The following NOS1 variants were observed in gnomAD, a reference collection of about 807,000 sequenced individuals.
NOS1 encodes the protein NOS type I.
In NOS1, 51 loss-of-function variants were observed where a neutral mutation model predicts 164.5. The ratio of observed to expected loss-of-function variants is 0.31; its 90% CI spans 0.25 to 0.39. The LOEUF (loss-of-function observed/expected upper bound fraction) is 0.39. Among genes scored for constraint, NOS1 ranks in the 10% least tolerant of loss-of-function variants. The pLI, the probability that NOS1 is intolerant of heterozygous loss-of-function variation, is 1.00. For missense variants in NOS1, 1,362 were observed against 1,885.6 expected (o/e 0.72, Z 5.14); for synonymous variants, 719 against 745.8 (o/e 0.96, Z 0.59).
At chr12:117,224,492 A>T (rs1868474641) in intron 25 of NOS1, among the ~76,000 whole-genome samples, 3 of 152,162 alleles carry the variant, frequency 2.0e-5, no homozygotes, top group South Asian at 4.2e-4. Context: ...TCACCGTGCT[A>T]GCCAGGATGG....
chr12:117,265,140 C>G (rs536062905), intron 12 of NOS1, among the ~76,000 whole-genome samples, 176 bp downstream of exon 12: 1 of 152,174 alleles, frequency 6.6e-6, no homozygotes, highest in African/African-American at 2.4e-5. Context: ...GCCATCATGT[C>G]GGCCTCATAT....
chr12:117,226,081 G>A (rs981988771), intron 24 of NOS1, among the ~76,000 whole-genome samples: 5 of 152,206 alleles, frequency 3.3e-5, no homozygotes, highest in Non-Finnish European at 7.3e-5. Context: ...ACACCCCAGA[G>A]GACTCTGATG....
chr12:117,237,320 C>G (rs1315826142), intron 20 of NOS1, among the ~76,000 whole-genome samples: 1 of 151,876 alleles, frequency 6.6e-6, no homozygotes, highest in Non-Finnish European at 1.5e-5. Flanking sequence ...TTAGCAGAGA[C>G]AGGGTTTAAC....
intron 1 of NOS1, among the ~76,000 whole-genome samples, chr12:117,357,150 C>T (rs936536253): frequency 6.6e-6 from 1 of 152,152 alleles, no homozygotes; most frequent in Admixed American, 6.5e-5. Flanking sequence ...TGACAAAACC[C>T]CGTCTCTACA....
intron 9 of NOS1, among the ~76,000 whole-genome samples, chr12:117,275,089 T>A (rs1048243961): frequency 6.6e-6 from 1 of 152,208 alleles, no homozygotes; most frequent in Non-Finnish European, 1.5e-5. Flanking sequence ...TTCTCCATGA[T>A]GTGCTTATTT....
intron 25 of NOS1, 128 bp from the exon 26 acceptor site, chr12:117,222,991 A>G: frequency 8.5e-6 from 9 of 1,063,870 alleles, no homozygotes; most frequent in Non-Finnish European, 1.2e-5. Context: ...AAACACTAGG[A>G]CAGGCAGATG....
chr12:117,271,466 C>T (rs1326919858), intron 10 of NOS1, among the ~76,000 whole-genome samples: 5 of 152,060 alleles, frequency 3.3e-5, no homozygotes, highest in South Asian at 2.1e-4. Context: ...TTAGTAGAGA[C>T]GGGGTTTCAC....
intron 10 of NOS1, among the ~76,000 whole-genome samples, chr12:117,270,856 T>C (rs1341138962): frequency 6.6e-6 from 1 of 151,954 alleles, no homozygotes; most frequent in Non-Finnish European, 1.5e-5. Flanking sequence ...GCCAACATGG[T>C]GAAACCTCAT....
rs1956582725 is a variant in NOS1, at chr12:117,215,004, C to T, written c.*305G>A. 3 of 1,151,100 alleles carry T rather than the reference C, an allele frequency of 2.6e-6. No homozygotes were observed. Among genetic ancestry groups the T allele is most frequent in the Non-Finnish European group, 2.1e-6 (2 of 937,330 alleles). The allele number at this position is 1,151,100 out of a possible 1,614,324, so 71.3% of individuals were successfully genotyped here. On this transcript the variant is annotated 3_prime_UTR_variant, in exon 29 of 29. Transcript: ENST00000317775. ...CCAGAGAAAAAAACCCCCACAGCGA[C>T]GGCCATGTTCCAGTGGTTTCATGCA...
chr12:117,305,815 G>A (rs1172015273), intron 3 of NOS1, among the ~76,000 whole-genome samples: 3 of 149,442 alleles, frequency 2.0e-5, no homozygotes, highest in Admixed American at 1.3e-4. Flanking sequence ...TTCCTGAGGC[G>A]GAGTCTCACT....
chr12:117,344,627 G>A (rs111968550), intron 1 of NOS1, among the ~76,000 whole-genome samples: 1 of 152,260 alleles, frequency 6.6e-6, no homozygotes, highest in African/African-American at 2.4e-5. Flanking sequence ...TCTAAGTACT[G>A]CTATATATTT....
chr12:117,222,608 G>T, intron 26 of NOS1, 107 bp downstream of exon 26: 1 of 1,059,714 alleles, frequency 9.4e-7, no homozygotes, highest in Non-Finnish European at 1.4e-6. Flanking sequence ...ACTTCATAGA[G>T]GGAAAATCAG....
Position 117,290,267 on chromosome 12 carries a change from C to T in NOS1, c.981+31G>A, listed in dbSNP as rs1383802623. ...ATGTGGATAGTGATGAAGCTGCCAC[C>T]CTCTCATCTACACCCTGCTGGGATA... On this transcript the variant is annotated intron_variant, in intron 4 of 28. Coordinates refer to ENST00000317775, the MANE Select transcript of NOS1 (RefSeq NM_000620.5). The T allele has an allele frequency of 3.7e-6, 6 of 1,608,270 alleles. No individual in the cohort carries two copies. In the Admixed American group the frequency reaches 5.0e-5, roughly 14 times the overall value.
intron 16 of NOS1, among the ~76,000 whole-genome samples, chr12:117,257,863 G>A (rs1871588075): frequency 2.1e-5 from 3 of 145,810 alleles, no homozygotes; most frequent in African/African-American, 7.7e-5. Context: ...GGAGTGCAAT[G>A]GTGCGATCTT....
rs1956560048 is a variant in NOS1, at chr12:117,213,612, A to G, written c.*1697T>C. 2 of 985,364 alleles carry G rather than the reference A, an allele frequency of 2.0e-6. No individual in the cohort carries two copies. The highest frequency in any genetic ancestry group is 3.5e-5 in the African/African-American group (2 of 57,248). 61.0% of individuals were successfully genotyped at this position (985,364 alleles called of 1,614,324 possible). A position where few individuals can be genotyped will look rare whatever the true frequency, so the allele number is the denominator to read the frequency against. The stretch of plus-strand genomic sequence containing the variant: ...TGCCCCCACTGTAAAGCCCTTTCAA[A>G]GAGGGCCAGTGCACTTCCTCTTTAG... On this transcript the variant is annotated 3_prime_UTR_variant, in exon 29 of 29. Transcript: ENST00000317775.
intron 7 of NOS1, among the ~76,000 whole-genome samples, chr12:117,283,699 T>C (rs1392869348): frequency 6.6e-6 from 1 of 151,774 alleles, no homozygotes; most frequent in Non-Finnish European, 1.5e-5. Flanking sequence ...CTACTAAAAA[T>C]ACAAAAATTA....
At chr12:117,287,540 G>A (rs1196637796) in intron 5 of NOS1, among the ~76,000 whole-genome samples, 1 of 152,044 alleles carries the variant, frequency 6.6e-6, no homozygotes, top group Admixed American at 6.6e-5. Flanking sequence ...CCGGGTTCAA[G>A]CAATTCTCAT....
intron 14 of NOS1, 109 bp from the exon 15 acceptor site, chr12:117,259,239 G>A: frequency 2.9e-6 from 2 of 693,280 alleles, no homozygotes; most frequent in South Asian, 1.9e-5. Context: ...AGGAGAGAAA[G>A]GAAAAATGTG....
chr12:117,308,599 A>AT lies in NOS1; in HGVS notation c.852+2866dup, dbSNP rs1236088675. On this transcript the variant is annotated intron_variant, in intron 3 of 28. Transcript: ENST00000317775. Reference sequence around the variant, plus strand: ...AGGCGCAATGTGGTCAGATTATATAATTTTTTTTTTTTTTTGAGACAGAGT... The same window carrying AT: ...AGGCGCAATGTGGTCAGATTATATAATTTTTTTTTTTTTTTTGAGACAGAGT... 7.3e-3 allele frequency among the ~76,000 whole-genome samples: 1,045 copies of AT among 143,444 alleles called. 6 individuals are homozygous for AT. Among genetic ancestry groups the AT allele is most frequent in the African/African-American group, 0.02 (801 of 39,306 alleles). The allele number at this position is 143,444 out of a possible 152,430, so 94.1% of individuals were successfully genotyped here. A position where few individuals can be genotyped will look rare whatever the true frequency, so the allele number is the denominator to read the frequency against.
Sources: gnomAD v4.1 joint callset for allele counts (sites outside exome capture counted in the v4.1 genomes callset) on GRCh38, gnomAD v4.1.1 for gene constraint, MANE v1.5 for transcripts, NCBI Gene and HGNC (gene_info 2026-07-23, HGNC 2026-07-21) for gene names.